ISG20L2: variants seen among roughly 807,000 people sequenced by gnomAD.
ISG20L2 encodes the protein interferon stimulated exonuclease gene 20 like 2, also known as interferon-stimulated 20 kDa exonuclease-like 2.
In ISG20L2, 14 loss-of-function variants were observed where a neutral mutation model predicts 27.8. The observed-to-expected ratio is 0.50, with a 90% CI of 0.33 to 0.79. The LOEUF is 0.79. Among genes scored for constraint, ISG20L2 ranks in the 30% least tolerant of loss-of-function variants. The probability of loss-of-function intolerance (pLI) is 0.02; values close to 1 mark genes in which losing one functional copy is unlikely to be tolerated. For synonymous variants in ISG20L2, 157 were observed against 165.7 expected (o/e 0.95, Z 0.40); for missense variants, 393 against 435.1 (o/e 0.90, Z 0.86).
chr1:156,726,701 A>G (rs1347443066), intron 2 of ISG20L2: 7 of 985,342 alleles, frequency 7.1e-6, no homozygotes, highest in Non-Finnish European at 7.2e-6. Flanking sequence ...ATCTTGACCA[A>G]TGAAGTTTGT....
Position 156,728,685 on chromosome 1 carries a change from A to G in ISG20L2, c.-388T>C, listed in dbSNP as rs1558015674. 1 of 988,944 alleles carries G rather than the reference A, an allele frequency of 1.0e-6. No individual in the cohort carries two copies. The highest frequency in any genetic ancestry group is 1.2e-6 in the Non-Finnish European group (1 of 831,814). The allele number at this position is 988,944 out of a possible 1,614,324, so 61.3% of individuals were successfully genotyped here. ...TCTAGCCCCGTGGTGGTACAACGCGAAGGTGTGGGAAGGCCGCGATAAACC... is the reference window on the plus strand; with the variant it reads ...TCTAGCCCCGTGGTGGTACAACGCGGAGGTGTGGGAAGGCCGCGATAAACC... On this transcript the variant is annotated 5_prime_UTR_variant, in exon 1 of 4. Transcript: ENST00000368219.
Position 156,727,568 on chromosome 1 carries a change from C to G in ISG20L2, c.85G>C (p.Val29Leu). ...CGTTCTAAGAGCCTCCGCTTCTTGA[C>G]AAAATTTCGGTGCTTGGCATTTCCT... ...LEGNAKHRNF[V>L]KKRRLLERRG... The change falls in exon 2 of 4, where the codon GTC (valine) becomes CTC (leucine). Residue 29 changes from valine (V) to leucine (L), a missense_variant. Physicochemically the swap from Val to Leu is conservative, Grantham distance 32 (BLOSUM62 1). Transcript: ENST00000368219. The G allele has an allele frequency of 6.2e-7, 1 of 1,614,182 alleles. No individual in the cohort carries two copies. Among genetic ancestry groups the G allele is most frequent in the Non-Finnish European group, 8.5e-7 (1 of 1,180,032 alleles).
intron 3 of ISG20L2, chr1:156,723,934 T>A: frequency 7.6e-7 from 1 of 1,314,776 alleles, no homozygotes; most frequent in Non-Finnish European, 9.9e-7. Flanking sequence ...GTTTTATATC[T>A]ACTTAGGACT....
chr1:156,724,386 A>T, intron 2 of ISG20L2, 38 bp from the exon 3 acceptor site: 1 of 1,549,562 alleles, frequency 6.5e-7, no homozygotes, highest in South Asian at 1.2e-5. Flanking sequence ...GAGAAGGAAG[A>T]CTGAAGTGGA....
At position 156,724,255 on chromosome 1, in the gene ISG20L2, G is replaced by A. The variant is rs1037346466; in HGVS notation, c.841C>T (p.Arg281Cys). Residue 281 changes from arginine to cysteine, a missense_variant, in exon 3 of 4, where the codon CGT becomes TGT. Arg to Cys is a radical substitution (Grantham distance 180). Transcript: ENST00000368219. ...AGGGGGGGGATATGGGAGGTGTCAC[G>A]GGTGAGGGACTTGGGGTGAAAGTAC... ...LQYFHPKSLT[R>C]DTSHIPPLNR... 9 of 1,613,964 alleles carry A rather than the reference G, an allele frequency of 5.6e-6. No homozygotes were observed. The highest frequency in any genetic ancestry group is 2.2e-5 in the East Asian group (1 of 44,894).
intron 2 of ISG20L2, 139 bp from the exon 3 acceptor site, chr1:156,724,487 C>G (rs2102620989): frequency 7.1e-7 from 1 of 1,404,642 alleles, no homozygotes; most frequent in Admixed American, 2.9e-5. Flanking sequence ...AATGCTCACT[C>G]CCACAAGTTT....
In ISG20L2 at chr1:156,723,428, G is replaced by T. The variant is rs1248367595; in HGVS notation, c.983C>A (p.Ala328Asp). 1 of 1,614,106 alleles carries T rather than the reference G, an allele frequency of 6.2e-7. No homozygotes were observed. Among genetic ancestry groups the T allele is most frequent in the Non-Finnish European group, 8.5e-7 (1 of 1,180,006 alleles). ...GKSGHSSVED[A>D]QATMELYKLV... ...CTTATATAGCTCCATGGTGGCCTGG[G>T]CATCTTCCACAGAGGAATGTCCGCT... Residue 328 changes from alanine (A) to aspartate (D), a missense_variant, in exon 4 of 4, where the codon GCC (alanine) becomes GAC (aspartate). Physicochemically the swap from Ala to Asp is moderately radical, Grantham distance 126. Transcript: ENST00000368219.
At chr1:156,724,518 T>C in intron 2 of ISG20L2, 170 bp from the exon 3 acceptor site, 3 of 1,412,792 alleles carry the variant, frequency 2.1e-6, no homozygotes, top group Non-Finnish European at 2.8e-6. Context: ...GGAATCCACC[T>C]TCCTCTTCCA....
In ISG20L2 at chr1:156,726,896, T is replaced by A; in HGVS notation, c.747+10A>T. On this transcript the variant is annotated intron_variant, in intron 2 of 3. Coordinates refer to ENST00000368219, the MANE Select transcript of ISG20L2 (RefSeq NM_001370150.2). ...ACCTCCCTGCCACCATCAAGCCCCA[T>A]GCTTCTTACCTGGCCTCGAGCAATC... The A allele has an allele frequency of 6.2e-7, 1 of 1,606,320 alleles. No homozygotes were observed. The highest frequency in any genetic ancestry group is 1.1e-5 in the South Asian group (1 of 90,336).
At position 156,727,782 on chromosome 1, in the gene ISG20L2, G is replaced by A. The variant is rs1648865163; in HGVS notation, c.-117-13C>T. The A allele has an allele frequency of 2.7e-6, 4 of 1,487,662 alleles. No individual in the cohort carries two copies. The South Asian group carries it at 5.6e-5, about 21-fold the overall frequency. 92.2% of individuals were successfully genotyped at this position (1,487,662 alleles called of 1,614,324 possible). On this transcript the variant is annotated splice_polypyrimidine_tract_variant and intron_variant, in intron 1 of 3. Transcript: ENST00000368219. ...TCTGTAGTACACCCTGGGGAAGAAA[G>A]TGATCCTGGTAATTGAGCTCCTAGG...
In ISG20L2 at chr1:156,724,195, T is replaced by C. The variant is rs1448836498; in HGVS notation, c.901A>G (p.Met301Val). 3 of 1,602,800 alleles carry C rather than the reference T, an allele frequency of 1.9e-6. No individual in the cohort carries two copies. The African/African-American group carries it at 4.1e-5, about 22-fold the overall frequency. ...RKADCPENAT[M>V]SLKHLTKKLL... Reference sequence around the variant, plus strand: ...TTCTTGGTGAGATGCTTCAGAGACATGGTGGCATTCTCCGGGCAGTCAGCC... The same window carrying C: ...TTCTTGGTGAGATGCTTCAGAGACACGGTGGCATTCTCCGGGCAGTCAGCC... Residue 301 changes from methionine to valine, a missense_variant, in exon 3 of 4, where the codon ATG (methionine) becomes GTG (valine). Transcript: ENST00000368219.
At chr1:156,728,143 G>A in intron 1 of ISG20L2, 1 of 988,344 alleles carries the variant, frequency 1.0e-6, no homozygotes, top group Non-Finnish European at 1.2e-6. Context: ...CAAAAACAGT[G>A]AGAAGTATGG....
In ISG20L2 at chr1:156,722,958, C is replaced by T; in HGVS notation, c.*391G>A. On this transcript the variant is annotated 3_prime_UTR_variant, in exon 4 of 4. Coordinates refer to ENST00000368219, the MANE Select transcript of ISG20L2 (RefSeq NM_001370150.2). Reference sequence around the variant, plus strand: ...AGAGGATGCTGTTAATTACTCAAGACCAAAAGGCATAAAAGGAGACATATG... The same window carrying T: ...AGAGGATGCTGTTAATTACTCAAGATCAAAAGGCATAAAAGGAGACATATG... 1 of 185,966 alleles carries T rather than the reference C, an allele frequency of 5.4e-6. No homozygotes were observed. The highest frequency in any genetic ancestry group is 1.1e-5 in the Non-Finnish European group (1 of 87,664). The allele number at this position is 185,966 out of a possible 1,614,324, so 11.5% of individuals were successfully genotyped here.
At position 156,727,396 on chromosome 1, in the gene ISG20L2, T is replaced by C. The variant is rs183774429; in HGVS notation, c.257A>G (p.Asn86Ser). The C allele has an allele frequency of 1.3e-5, 21 of 1,614,200 alleles. No homozygotes were observed. The African/African-American group carries it at 2.3e-4, about 17-fold the overall frequency. Residue 86 changes from asparagine to serine, a missense_variant, in exon 2 of 4, where the codon AAT (asparagine) becomes AGT (serine). Asn to Ser is a conservative substitution (Grantham distance 46). Around this residue, in one of 3 missense-constraint regions of ISG20L2, gnomAD observed 183 missense variants for 168.2 expected, o/e 1.09. Coordinates refer to ENST00000368219, the MANE Select transcript of ISG20L2 (RefSeq NM_001370150.2). ...CTTGTCCAGGGGCTGTCCTGACCCA[T>C]TGCTGGAAGCAGCTGTCTTCTTTTT... is the stretch of plus-strand genomic sequence containing the variant. ...FPKKKTAASSNGSGQPLDKKA... is the reference protein window; with the variant it reads ...FPKKKTAASSSGSGQPLDKKA...
chr1:156,723,277 C>T lies in ISG20L2; in HGVS notation c.*72G>A. ...AAAGATGTGGAGCTGGTGGAGCTGT[C>T]CATTGGTCCACTGCCCTGTTTCTCC... On this transcript the variant is annotated 3_prime_UTR_variant, in exon 4 of 4. Transcript: ENST00000368219. 1.3e-6 allele frequency: 2 copies of T among 1,572,600 alleles called. No homozygotes were observed. The highest frequency in any genetic ancestry group is 3.4e-5 in the Admixed American group (2 of 59,460).
chr1:156,726,641 C>A lies in ISG20L2; in HGVS notation c.747+265G>T, dbSNP rs1399696151. 6 of 968,452 alleles carry A rather than the reference C, an allele frequency of 6.2e-6. No individual in the cohort carries two copies. The African/African-American group carries it at 1.1e-4, about 17-fold the overall frequency. 60.0% of individuals were successfully genotyped at this position (968,452 alleles called of 1,614,324 possible). ...TTGAGCGATTCTCCCGCCTCAGCCT[C>A]CCAAAGTGCTGGGATTATAGGCAAG... On this transcript the variant is annotated intron_variant, in intron 2 of 3. Transcript: ENST00000368219.
At chr1:156,724,049 G>T in intron 3 of ISG20L2, 99 bp downstream of exon 3, 3 of 1,221,436 alleles carry the variant, frequency 2.5e-6, no homozygotes, top group South Asian at 1.3e-5. Context: ...AGCCCACCTG[G>T]ATCTCTACAA....
intron 2 of ISG20L2, chr1:156,724,599 C>T: frequency 1.6e-6 from 2 of 1,255,320 alleles, no homozygotes; most frequent in South Asian, 2.3e-5. Flanking sequence ...TATTGATCTC[C>T]ACCCCATGAC....
rs142205257 is a variant in ISG20L2, at chr1:156,723,182, A to G, written c.*167T>C. 1,006 of 808,050 alleles carry G rather than the reference A, an allele frequency of 1.2e-3. 7 individuals are homozygous for G. In the African/African-American group the frequency reaches 0.016, roughly 13 times the overall value. 50.1% of individuals were successfully genotyped at this position (808,050 alleles called of 1,614,324 possible). A position where few individuals can be genotyped will look rare whatever the true frequency, so the allele number is the denominator to read the frequency against. ...GACACTTAACCAGACACAGGACACA[A>G]CACCTGAGGTGAAATTTCAATGGGT... On this transcript the variant is annotated 3_prime_UTR_variant, in exon 4 of 4. Transcript: ENST00000368219.
Sources: allele counts gnomAD v4.1 joint callset, GRCh38; gene constraint gnomAD v4.1.1; regional missense constraint gnomAD v4.1.1; transcripts MANE v1.5; gene names NCBI Gene and HGNC (gene_info 2026-07-23, HGNC 2026-07-21).